AAK1: variants seen among roughly 807,000 people sequenced by gnomAD.
The protein encoded by AAK1 is AP2 associated kinase 1.
A neutral mutation model predicts 116.0 loss-of-function variants in AAK1; 37 were observed. The ratio of observed to expected loss-of-function variants is 0.32; its 90% confidence interval spans 0.25 to 0.42. The LOEUF is 0.42. Ranked by LOEUF, AAK1 falls within the 10% of genes least tolerant of loss-of-function variation. The pLI is 1.00. For missense variants in AAK1, 919 were observed against 1,170.6 expected (o/e 0.79, Z 3.14); for synonymous variants, 458 against 439.9 (o/e 1.04, Z -0.51).
At chr2:69,487,183 G>C (rs1289284825) in intron 17 of AAK1, among the ~76,000 whole-genome samples, 1 of 152,136 alleles carries the variant, frequency 6.6e-6, no homozygotes, top group African/African-American at 2.4e-5. Flanking sequence ...GGTCATTTTT[G>C]GTCATTGTAA....
intron 2 of AAK1, among the ~76,000 whole-genome samples, chr2:69,575,628 C>T (rs779026804): frequency 2.6e-5 from 4 of 151,998 alleles, no homozygotes; most frequent in Admixed American, 6.6e-5. Flanking sequence ...GCCAACATGT[C>T]GGCTAATTTT....
chr2:69,500,698 T>TATATATATATATATACACACAC, intron 16 of AAK1, among the ~76,000 whole-genome samples: 1 of 65,100 alleles, frequency 1.5e-5, no homozygotes, highest in Admixed American at 2.1e-4. Flanking sequence ...TATATATATA[T>TATATATATATATATACACACAC]ACACACACAC....
At chr2:69,632,849 C>A (rs896333480) in intron 2 of AAK1, among the ~76,000 whole-genome samples, 1 of 151,064 alleles carries the variant, frequency 6.6e-6, no homozygotes, top group South Asian at 2.1e-4. Context: ...CTGGCTATCA[C>A]GGTGAAACCC....
chr2:69,485,604 A>G (rs1459852387), intron 17 of AAK1, among the ~76,000 whole-genome samples: 1 of 151,796 alleles, frequency 6.6e-6, no homozygotes, highest in Non-Finnish European at 1.5e-5. Context: ...TGCCACATCT[A>G]TGCCTTTTGG....
At chr2:69,642,440 C>G (rs989052675) in intron 2 of AAK1, among the ~76,000 whole-genome samples, 1 of 152,014 alleles carries the variant, frequency 6.6e-6, no homozygotes, top group Non-Finnish European at 1.5e-5. Flanking sequence ...AATGCCTGCT[C>G]ATGGAAGTGG....
intron 3 of AAK1, among the ~76,000 whole-genome samples, chr2:69,552,948 T>C (rs1296794883): frequency 2.0e-5 from 3 of 151,982 alleles, no homozygotes; most frequent in East Asian, 1.9e-4. Context: ...ATCAGGATGG[T>C]TGGAATATAG....
chr2:69,489,907 T>A (rs1207702540), intron 17 of AAK1, among the ~76,000 whole-genome samples: 1 of 152,108 alleles, frequency 6.6e-6, no homozygotes, highest in Non-Finnish European at 1.5e-5. Context: ...CATATTATGA[T>A]CAACCTTGGA....
At position 69,466,032 on chromosome 2, in the gene AAK1, A is replaced by G. The variant is rs144061892; in HGVS notation, c.*9837T>C. ...TGACTCCTCTGGCTGGGAAGGAGCC[A>G]TACTGCTCTTGGAGACAAATGGGGC... On this transcript the variant is annotated 3_prime_UTR_variant, in exon 22 of 22. Coordinates refer to ENST00000409085, the MANE Select transcript of AAK1 (RefSeq NM_014911.5). 1,829 of 1,290,944 alleles carry G rather than the reference A, an allele frequency of 1.4e-3. 23 individuals carry two copies. The African/African-American group carries it at 0.025, about 17-fold the overall frequency. 80.0% of individuals were successfully genotyped at this position (1,290,944 alleles called of 1,614,324 possible). A position where few individuals can be genotyped will look rare whatever the true frequency, so the allele number is the denominator to read the frequency against.
Position 69,488,149 on chromosome 2 carries a change from C to CGTGTGTGTGTGTGTGTGT in AAK1, c.2366-5355_2366-5338dup, listed in dbSNP as rs58575925. ...CAGACTCTAAACGTGTGTGTGTGGACGTGTGTGTGTGTGTGTGTGTGTGTG... is the reference window on the plus strand; with the variant it reads ...CAGACTCTAAACGTGTGTGTGTGGACGTGTGTGTGTGTGTGTGTGTGTGTGTGTGTGTGTGTGTGTGTG... On this transcript the variant is annotated intron_variant, in intron 17 of 21. Coordinates refer to ENST00000409085, the MANE Select transcript of AAK1 (RefSeq NM_014911.5). 6.9e-3 allele frequency among the ~76,000 whole-genome samples: 993 copies of CGTGTGTGTGTGTGTGTGT among 144,626 alleles called. 10 individuals carry two copies. The highest frequency in any genetic ancestry group is 0.024 in the African/African-American group (929 of 39,070). The allele number at this position is 144,626 out of a possible 152,430, so 94.9% of individuals were successfully genotyped here. A position where few individuals can be genotyped will look rare whatever the true frequency, so the allele number is the denominator to read the frequency against.
chr2:69,550,072 A>C (rs530555541), intron 3 of AAK1, among the ~76,000 whole-genome samples: 5 of 152,348 alleles, frequency 3.3e-5, no homozygotes, highest in African/African-American at 1.2e-4. Context: ...CTTTATAACC[A>C]GTAGCAATCC....
At chr2:69,489,268 T>C (rs532885466) in intron 17 of AAK1, among the ~76,000 whole-genome samples, 7 of 151,584 alleles carry the variant, frequency 4.6e-5, no homozygotes, top group Non-Finnish European at 1.0e-4. Flanking sequence ...CTGGCCAGCA[T>C]GGTGAAACAC....
At chr2:69,478,848 A>G in intron 20 of AAK1, 103 bp downstream of exon 20, 1 of 916,666 alleles carries the variant, frequency 1.1e-6, no homozygotes, top group Non-Finnish European at 1.7e-6. Flanking sequence ...GGTAGTTTTA[A>G]AACTTCACTA....
At position 69,594,747 on chromosome 2, in the gene AAK1, C is replaced by T. The variant is rs1673186974; in HGVS notation, c.164-37769G>A. ...ATAAAAGAAAAGGTAACACTTAGAA[C>T]TGGATCACTTAGCCCTTTCTCTTCT... On this transcript the variant is annotated intron_variant, in intron 2 of 21. Transcript: ENST00000409085. 5 of 805,228 alleles carry T rather than the reference C, an allele frequency of 6.2e-6. 1 individual carries two copies. Among genetic ancestry groups the T allele is most frequent in the Non-Finnish European group, 1.1e-5 (5 of 468,816 alleles). The allele number at this position is 805,228 out of a possible 1,614,324, so 49.9% of individuals were successfully genotyped here.
rs533572557 is a variant in AAK1, at chr2:69,536,223, G to C, written c.535-4061C>G. On this transcript the variant is annotated intron_variant, in intron 5 of 21. Coordinates refer to ENST00000409085, the MANE Select transcript of AAK1 (RefSeq NM_014911.5). ...TTGGCGAGGAAGGAGGAAGGAGAAA[G>C]GGAGAGGACCAGAGAAGCACACAGA... is the stretch of plus-strand genomic sequence containing the variant. Among the ~76,000 whole-genome samples, 112 of 152,326 alleles carry C rather than the reference G, an allele frequency of 7.4e-4. No homozygotes were observed. In the Middle Eastern group the frequency reaches 0.01, roughly 14 times the overall value.
At chr2:69,575,209 G>A (rs950416915) in intron 2 of AAK1, among the ~76,000 whole-genome samples, 1 of 151,878 alleles carries the variant, frequency 6.6e-6, no homozygotes, top group Non-Finnish European at 1.5e-5. Flanking sequence ...CTTGAGGCTT[G>A]TTAAGAAGGC....
At chr2:69,541,550 G>A (rs945266325) in intron 5 of AAK1, among the ~76,000 whole-genome samples, 3 of 152,112 alleles carry the variant, frequency 2.0e-5, no homozygotes, top group African/African-American at 7.2e-5. Flanking sequence ...ATACTTTAAA[G>A]CAGTAAATTT....
At chr2:69,526,122 G>A (rs1279502178) in intron 9 of AAK1, among the ~76,000 whole-genome samples, 1 of 152,184 alleles carries the variant, frequency 6.6e-6, no homozygotes, top group Non-Finnish European at 1.5e-5. Context: ...AAACTGAGCT[G>A]GTCCGGTTTG....
chr2:69,551,763 C>T (rs1270736669), intron 3 of AAK1, among the ~76,000 whole-genome samples: 1 of 152,230 alleles, frequency 6.6e-6, no homozygotes, highest in African/African-American at 2.4e-5. Flanking sequence ...CTCCAAATGT[C>T]CATCAGAAGT....
chr2:69,512,469 A>G (rs972356743), intron 13 of AAK1, among the ~76,000 whole-genome samples: 2 of 152,182 alleles, frequency 1.3e-5, no homozygotes, highest in African/African-American at 4.8e-5. Flanking sequence ...TTTCTCAGCA[A>G]TTTAGGTTGC....
Sources: allele counts gnomAD v4.1 joint callset (sites outside exome capture counted in the v4.1 genomes callset), GRCh38; gene constraint gnomAD v4.1.1; transcripts MANE v1.5; gene names NCBI Gene and HGNC (gene_info 2026-07-23, HGNC 2026-07-21).